Variants in LRRC69 observed in about 807,000 individuals in gnomAD.
LRRC69 encodes leucine rich repeat containing 69.
Under a neutral mutation model 37.8 loss-of-function variants are expected in LRRC69, and 42 were observed. The observed-to-expected ratio is 1.11, with a 90% confidence interval of 0.87 to 1.44. The LOEUF (loss-of-function observed/expected upper bound fraction) is 1.44. Among genes scored for constraint, LRRC69 ranks in the 40% most tolerant of loss-of-function variants. The pLI, the probability that LRRC69 is intolerant of heterozygous loss-of-function variation, is 0.00. For synonymous variants in LRRC69, 141 were observed against 143.1 expected (o/e 0.99, Z 0.11); for missense variants, 357 against 401.9 (o/e 0.89, Z 0.96).
intron 7 of LRRC69, chr8:91,206,815 C>T (rs1453093693): frequency 7.8e-7 from 1 of 1,288,512 alleles, no homozygotes; most frequent in African/African-American, 1.5e-5. Flanking sequence ...CCCCATGACA[C>T]CAGTAAGAAA....
chr8:91,171,830 A>G (rs1376480117), intron 5 of LRRC69, among the ~76,000 whole-genome samples: 1 of 152,014 alleles, frequency 6.6e-6, no homozygotes, highest in Non-Finnish European at 1.5e-5. Flanking sequence ...AATAAAAGCC[A>G]AATTACCCAT....
intron 5 of LRRC69, among the ~76,000 whole-genome samples, chr8:91,163,165 G>T (rs13254176): frequency 6.6e-6 from 1 of 151,184 alleles, no homozygotes; most frequent in African/African-American, 2.4e-5. Context: ...CTCAGTCAAA[G>T]TAGCCTCTAC....
chr8:91,212,298 T>G (rs561503048), intron 7 of LRRC69, among the ~76,000 whole-genome samples: 1 of 152,212 alleles, frequency 6.6e-6, no homozygotes, highest in Admixed American at 6.5e-5. Flanking sequence ...AGATATGCAT[T>G]TAATAGTTTT....
At chr8:91,176,108 C>T (rs1396030592) in intron 5 of LRRC69, among the ~76,000 whole-genome samples, 5 of 130,820 alleles carry the variant, frequency 3.8e-5, no homozygotes, top group African/African-American at 1.5e-4. Context: ...TTTCAGGCAC[C>T]ATCCCTCATA....
intron 6 of LRRC69, among the ~76,000 whole-genome samples, chr8:91,199,807 G>C (rs933818746): frequency 5.3e-5 from 8 of 152,084 alleles, no homozygotes; most frequent in Admixed American, 4.6e-4. Context: ...TCTTTGCTTG[G>C]TCAGTGAAGA....
intron 6 of LRRC69, among the ~76,000 whole-genome samples, chr8:91,196,977 C>T (rs2130622392): frequency 6.6e-6 from 1 of 151,812 alleles, no homozygotes. Flanking sequence ...GTGGTTTTAT[C>T]TACTTTTGGT....
intron 7 of LRRC69, among the ~76,000 whole-genome samples, chr8:91,214,627 A>G (rs916569818): frequency 6.6e-6 from 1 of 152,106 alleles, no homozygotes; most frequent in Non-Finnish European, 1.5e-5. Context: ...TAATTTCCTC[A>G]TTTGGACAAT....
At chr8:91,126,334 G>C (rs1813712160) in intron 2 of LRRC69, among the ~76,000 whole-genome samples, 1 of 151,972 alleles carries the variant, frequency 6.6e-6, no homozygotes, top group Non-Finnish European at 1.5e-5. Context: ...TTGCAAACTG[G>C]TGGCCCATGG....
At chr8:91,161,712 A>T (rs1808948514) in intron 5 of LRRC69, among the ~76,000 whole-genome samples, 1 of 150,918 alleles carries the variant, frequency 6.6e-6, no homozygotes, top group African/African-American at 2.4e-5. Flanking sequence ...GATTTTGTTT[A>T]TCTTTTCAAA....
At chr8:91,155,867 G>GTGTA (rs144460402) in intron 5 of LRRC69, among the ~76,000 whole-genome samples, 3 of 146,576 alleles carry the variant, frequency 2.0e-5, no homozygotes, top group African/African-American at 7.5e-5. Context: ...GTATGTGTGT[G>GTGTA]TATATATATA....
intron 1 of LRRC69, among the ~76,000 whole-genome samples, chr8:91,106,134 C>T (rs1813307642): frequency 6.6e-6 from 1 of 151,944 alleles, no homozygotes; most frequent in Non-Finnish European, 1.5e-5. Context: ...GATTATAATT[C>T]TTATTCTAAC....
chr8:91,137,430 T>A (rs191339451), intron 5 of LRRC69, among the ~76,000 whole-genome samples: 1 of 152,138 alleles, frequency 6.6e-6, no homozygotes, highest in East Asian at 1.9e-4. Flanking sequence ...AAGAATACTC[T>A]TTTTTTCCTC....
chr8:91,160,183 T>C (rs1342720751), intron 5 of LRRC69, among the ~76,000 whole-genome samples: 1 of 151,170 alleles, frequency 6.6e-6, no homozygotes, highest in Non-Finnish European at 1.5e-5. Context: ...GATGAATTAT[T>C]TATTACTGGT....
intron 1 of LRRC69, among the ~76,000 whole-genome samples, chr8:91,105,098 T>G (rs2130470112): frequency 6.6e-6 from 1 of 152,118 alleles, no homozygotes; most frequent in East Asian, 1.9e-4. Context: ...ATTACACCAC[T>G]AAGAATTCAA....
chr8:91,188,954 A>G (rs752843384), intron 5 of LRRC69, among the ~76,000 whole-genome samples: 9 of 151,760 alleles, frequency 5.9e-5, no homozygotes, highest in Non-Finnish European at 1.2e-4. Flanking sequence ...CCTCCCGAGT[A>G]GCTGGGATTA....
At chr8:91,190,001 C>G (rs999740461) in intron 6 of LRRC69, among the ~76,000 whole-genome samples, 9 of 152,092 alleles carry the variant, frequency 5.9e-5, no homozygotes, top group Admixed American at 5.9e-4. Flanking sequence ...GAATATGATC[C>G]AGAAACTGTG....
chr8:91,175,910 C>T (rs527800521), intron 5 of LRRC69, among the ~76,000 whole-genome samples: 5 of 149,630 alleles, frequency 3.3e-5, no homozygotes, highest in Admixed American at 6.7e-5. Context: ...CACATTTTGG[C>T]GTATTTCCTT....
intron 5 of LRRC69, among the ~76,000 whole-genome samples, chr8:91,165,510 A>G (rs1290574744): frequency 1.3e-5 from 2 of 151,734 alleles, no homozygotes; most frequent in African/African-American, 2.4e-5. Context: ...TCTCTTTCTT[A>G]TACTTGTAAG....
intron 5 of LRRC69, among the ~76,000 whole-genome samples, chr8:91,151,743 T>G (rs1808741819): frequency 6.6e-6 from 1 of 151,778 alleles, no homozygotes; most frequent in Non-Finnish European, 1.5e-5. Flanking sequence ...GTGGTTGAAC[T>G]AATTTACATT....
Sources: allele counts gnomAD v4.1 joint callset (sites outside exome capture counted in the v4.1 genomes callset), GRCh38; gene constraint gnomAD v4.1.1; transcripts MANE v1.5; gene names NCBI Gene and HGNC (gene_info 2026-07-23, HGNC 2026-07-21).